Variants in FTO observed in about 807,000 individuals in gnomAD.
The protein encoded by FTO is alpha-ketoglutarate-dependent dioxygenase FTO.
FTO carries 47 observed loss-of-function variants against 63.9 expected under a neutral mutation model. That is an observed-to-expected ratio of 0.74 (90% CI 0.58 to 0.94). The LOEUF (loss-of-function observed/expected upper bound fraction) is 0.94. Among genes scored for constraint, FTO ranks in the 40% least tolerant of loss-of-function variants. The pLI is 0.00. For synonymous variants in FTO, 207 were observed against 224.4 expected (o/e 0.92, Z 0.69); for missense variants, 562 against 618.1 (o/e 0.91, Z 0.96).
rs1275445651 is a variant in FTO at position 54,113,646 on chromosome 16, C to G, written c.*1731C>G. On this transcript the variant is annotated 3_prime_UTR_variant, in exon 9 of 9. Transcript: ENST00000471389. ...AATGAAATAACATAGACCAGGAGGG[C>G]GTGGTGTTTAAAAGTCACAGATGGG... The G allele has an allele frequency of 3.3e-5, 5 of 152,056 alleles. No individual in the cohort carries two copies. The highest frequency in any genetic ancestry group is 5.9e-5 in the Non-Finnish European group (4 of 68,028). The allele number at this position is 152,056 out of a possible 1,614,324, so 9.4% of individuals were successfully genotyped here.
At chr16:53,880,485 G>A (rs1031278200) in intron 6 of FTO, among the ~76,000 whole-genome samples, 2 of 152,144 alleles carry the variant, frequency 1.3e-5, no homozygotes, top group Non-Finnish European at 2.9e-5. Flanking sequence ...AACTTATTCT[G>A]TTCAGGCTGC....
rs2082307692 is a variant in FTO at position 53,932,496 on chromosome 16, T to C, written c.1240-1489T>C. Among the ~76,000 whole-genome samples the C allele has an allele frequency of 3.3e-5, 5 of 151,848 alleles. No individual in the cohort carries two copies. The South Asian group carries it at 1.0e-3, about 32-fold the overall frequency. On this transcript the variant is annotated intron_variant, in intron 7 of 8. Transcript: ENST00000471389. Reference sequence around the variant, plus strand: ...CTCCATCTCCCAGATTTCAAGCAATTCTCCTGCCTCAGCCTCCTGAGTAGC... The same window carrying C: ...CTCCATCTCCCAGATTTCAAGCAATCCTCCTGCCTCAGCCTCCTGAGTAGC...
chr16:54,053,087 A>G (rs1282167687), intron 8 of FTO, among the ~76,000 whole-genome samples: 4 of 152,216 alleles, frequency 2.6e-5, no homozygotes, highest in Non-Finnish European at 4.4e-5. Flanking sequence ...TAACAACAGT[A>G]TATTTTGCTG....
At chr16:53,707,158 T>C (rs563448795) in intron 1 of FTO, among the ~76,000 whole-genome samples, 32 of 152,298 alleles carry the variant, frequency 2.1e-4, no homozygotes, top group African/African-American at 6.5e-4. Flanking sequence ...GATGAGGCAT[T>C]GAAATCAAGG....
intron 3 of FTO, among the ~76,000 whole-genome samples, chr16:53,836,435 GT>G (rs1459293453): frequency 6.6e-6 from 1 of 152,156 alleles, no homozygotes; most frequent in East Asian, 1.9e-4. Context: ...CCTAAAAGAA[GT>G]AATTTGTGTC....
At chr16:53,988,617 A>G (rs921210784) in intron 8 of FTO, among the ~76,000 whole-genome samples, 11 of 152,180 alleles carry the variant, frequency 7.2e-5, no homozygotes, top group Non-Finnish European at 1.5e-5. Context: ...TGCTTCATGT[A>G]TTATCTCATC....
At chr16:54,027,994 T>A (rs1334874420) in intron 8 of FTO, among the ~76,000 whole-genome samples, 1 of 139,372 alleles carries the variant, frequency 7.2e-6, no homozygotes, top group Non-Finnish European at 1.5e-5. Context: ...CTGGAGTTTG[T>A]GTTTTTTTTT....
At chr16:53,958,090 A>G (rs1004127751) in intron 8 of FTO, among the ~76,000 whole-genome samples, 1 of 152,234 alleles carries the variant, frequency 6.6e-6, no homozygotes, top group Non-Finnish European at 1.5e-5. Context: ...TGGTCCTGGC[A>G]CTTGTCTAAA....
chr16:53,958,492 A>G (rs566090862), intron 8 of FTO, among the ~76,000 whole-genome samples: 90 of 152,338 alleles, frequency 5.9e-4, no homozygotes, highest in Non-Finnish European at 1.1e-3. Flanking sequence ...TTTGTCAGAT[A>G]GGTTAAAAGG....
intron 2 of FTO, among the ~76,000 whole-genome samples, chr16:53,824,239 C>T (rs369402160): frequency 6.6e-6 from 1 of 152,356 alleles, no homozygotes; most frequent in African/African-American, 2.4e-5. Flanking sequence ...CCTTCCTCTG[C>T]CTCCTCGTAG....
At chr16:54,091,010 C>A (rs969724461) in intron 8 of FTO, among the ~76,000 whole-genome samples, 19 of 152,112 alleles carry the variant, frequency 1.2e-4, no homozygotes, top group Non-Finnish European at 8.8e-5. Flanking sequence ...GCAGAAACTG[C>A]CAGGCTTTTT....
At chr16:53,905,491 G>A (rs9929152) in intron 7 of FTO, among the ~76,000 whole-genome samples, 102,016 of 151,948 alleles carry the variant, frequency 0.67, 36,471 homozygotes, top group East Asian at 0.98. Flanking sequence ...TATTCCTCCC[G>A]CCATCCTGCT....
At chr16:54,005,473 T>C (rs2084180033) in intron 8 of FTO, among the ~76,000 whole-genome samples, 1 of 151,258 alleles carries the variant, frequency 6.6e-6, no homozygotes, top group Non-Finnish European at 1.5e-5. Flanking sequence ...CCTAGTATAT[T>C]AATGGCTATA....
At chr16:53,967,062 A>C (rs898121854) in intron 8 of FTO, among the ~76,000 whole-genome samples, 51 of 152,184 alleles carry the variant, frequency 3.4e-4, no homozygotes, top group African/African-American at 1.2e-3. Context: ...ATTTCATTAT[A>C]ATAAGGATAG....
intron 8 of FTO, among the ~76,000 whole-genome samples, chr16:53,935,084 C>T (rs2082359017): frequency 6.6e-6 from 1 of 152,064 alleles, no homozygotes; most frequent in Non-Finnish European, 1.5e-5. Flanking sequence ...AACTAGTTCT[C>T]GCAAATGTTA....
chr16:53,999,180 A>G (rs2084012183), intron 8 of FTO, among the ~76,000 whole-genome samples: 1 of 152,200 alleles, frequency 6.6e-6, no homozygotes, highest in South Asian at 2.1e-4. Context: ...AAGCCATGCA[A>G]TAAATCCTCT....
chr16:54,003,830 A>G (rs2084130031), intron 8 of FTO, among the ~76,000 whole-genome samples: 1 of 152,272 alleles, frequency 6.6e-6, no homozygotes, highest in Non-Finnish European at 1.5e-5. Context: ...TTTTAAAAAA[A>G]GATGATGAGA....
rs1335479161 is a variant in FTO at position 54,112,981 on chromosome 16, C to T, written c.*1066C>T. The T allele has an allele frequency of 2.0e-5, 3 of 152,160 alleles. No homozygotes were observed. The highest frequency in any genetic ancestry group is 7.2e-5 in the African/African-American group (3 of 41,422). The allele number at this position is 152,160 out of a possible 1,614,324, so 9.4% of individuals were successfully genotyped here. On this transcript the variant is annotated 3_prime_UTR_variant, in exon 9 of 9. Coordinates refer to ENST00000471389, the MANE Select transcript of FTO (RefSeq NM_001080432.3). The stretch of plus-strand genomic sequence containing the variant: ...TTTAAGACTCCCACTAGCTTCGTGT[C>T]CTTTGGCATGTTAACGTGCCTCAGT...
chr16:53,962,149 T>A (rs2083096335), intron 8 of FTO, among the ~76,000 whole-genome samples: 1 of 152,200 alleles, frequency 6.6e-6, no homozygotes, highest in Non-Finnish European at 1.5e-5. Context: ...CTCTGAGGCC[T>A]CTGTTTCTGT....
Sources: allele counts gnomAD v4.1 joint callset (sites outside exome capture counted in the v4.1 genomes callset), GRCh38; gene constraint gnomAD v4.1.1; transcripts MANE v1.5; gene names NCBI Gene and HGNC (gene_info 2026-07-23, HGNC 2026-07-21).